The following SLC35H1 variants were observed in gnomAD, a reference collection of about 807,000 sequenced individuals.
SLC35H1 encodes ovarian cancer-overexpressed gene 1 protein.
the SLC35H1 span, among the ~76,000 whole-genome samples, chr20:46,356,388 C>G: frequency 6.6e-6 from 1 of 152,186 alleles, no homozygotes; most frequent in Non-Finnish European, 1.5e-5. Flanking sequence ...CTCCTCTGCG[C>G]TGGGCTTACG....
chr20:46,354,689 G>C, the SLC35H1 span, among the ~76,000 whole-genome samples: 3 of 152,174 alleles, frequency 2.0e-5, no homozygotes, highest in Admixed American at 1.3e-4. Context: ...CACACTTACT[G>C]TTACTGTTCC....
At chr20:46,363,495 T>C in the SLC35H1 span, among the ~76,000 whole-genome samples, 1 of 152,358 alleles carries the variant, frequency 6.6e-6, no homozygotes, top group East Asian at 1.9e-4. Flanking sequence ...GCCAGCATAA[T>C]ACACTTGGTT....
chr20:46,346,217 TG>T, the SLC35H1 span: 89,544 of 152,038 alleles, frequency 0.59, 29,142 homozygotes, highest in Non-Finnish European at 0.71. Flanking sequence ...GGCCTGTTTC[TG>T]GGAAGTATGT....
At chr20:46,361,132 C>T in the SLC35H1 span, among the ~76,000 whole-genome samples, 25 of 152,272 alleles carry the variant, frequency 1.6e-4, no homozygotes, top group African/African-American at 5.5e-4. Flanking sequence ...TAATATCAGG[C>T]ATCTCACTCA....
chr20:46,362,390 G>C, the SLC35H1 span, among the ~76,000 whole-genome samples: 1 of 152,158 alleles, frequency 6.6e-6, no homozygotes, highest in African/African-American at 2.4e-5. Flanking sequence ...GCTGGCTGGT[G>C]CATCACTGGC....
the SLC35H1 span, among the ~76,000 whole-genome samples, chr20:46,361,345 T>C: frequency 6.6e-6 from 1 of 152,178 alleles, no homozygotes; most frequent in Non-Finnish European, 1.5e-5. Flanking sequence ...TTCAGAAATA[T>C]CCCAAATATG....
chr20:46,350,651 A>C, the SLC35H1 span: 1 of 1,518,536 alleles, frequency 6.6e-7, no homozygotes, highest in Non-Finnish European at 8.9e-7. Flanking sequence ...ACATCTTCCT[A>C]GAGGAGTGAC....
the SLC35H1 span, chr20:46,355,197 G>C: frequency 1.1e-5 from 17 of 1,613,924 alleles, no homozygotes; most frequent in Middle Eastern, 1.6e-4. This position sits in a 1 kb window ranked among gnomAD's most constrained non-coding sequence, Gnocchi z 4.8. Context: ...TGAACATGAA[G>C]AGACCCCCGG....
chr20:46,349,087 C>A, the SLC35H1 span: 1 of 152,308 alleles, frequency 6.6e-6, no homozygotes. Context: ...CTTCCAAGCA[C>A]CCCTTTTCTG....
At chr20:46,356,509 C>T in the SLC35H1 span, 4 of 1,553,564 alleles carry the variant, frequency 2.6e-6, no homozygotes, top group African/African-American at 4.1e-5. Context: ...GGTGTGCAGA[C>T]ACCCCGCTGG....
the SLC35H1 span, among the ~76,000 whole-genome samples, chr20:46,353,938 C>T: frequency 3.3e-5 from 5 of 152,106 alleles, no homozygotes; most frequent in Admixed American, 3.3e-4. Context: ...GTTCAAGACG[C>T]TTCACTGCTT....
At chr20:46,358,597 C>A in the SLC35H1 span, 2 of 1,597,390 alleles carry the variant, frequency 1.3e-6, no homozygotes, top group South Asian at 2.2e-5. Context: ...TGGAGTTAGA[C>A]CACAGCTTTC....
the SLC35H1 span, chr20:46,359,104 C>T: frequency 2.9e-6 from 1 of 345,134 alleles, no homozygotes; most frequent in Non-Finnish European, 5.6e-6. Context: ...CAGCCACAGG[C>T]TCTCCAGGAC....
chr20:46,358,546 G>A, the SLC35H1 span: 1 of 1,614,086 alleles, frequency 6.2e-7, no homozygotes, highest in Non-Finnish European at 8.5e-7. Flanking sequence ...AGTCAGCGGG[G>A]GCAGGCACCC....
At chr20:46,352,072 G>A in the SLC35H1 span, 8 of 1,614,204 alleles carry the variant, frequency 5.0e-6, no homozygotes, top group Non-Finnish European at 6.8e-6. Context: ...CGGCAATGGA[G>A]AGAGTGAGGC....
chr20:46,357,519 G>A, the SLC35H1 span: 4 of 1,350,846 alleles, frequency 3.0e-6, no homozygotes, highest in Admixed American at 2.0e-5. Context: ...TGCAGGAAGA[G>A]GGGAGGGACT....
At chr20:46,348,188 G>T in the SLC35H1 span, 3 of 152,344 alleles carry the variant, frequency 2.0e-5, no homozygotes, top group East Asian at 5.8e-4. Context: ...GGGAGGAGAG[G>T]GAGCCCTCCT....
chr20:46,359,791 TC>T, the SLC35H1 span, among the ~76,000 whole-genome samples: 1 of 152,164 alleles, frequency 6.6e-6, no homozygotes, highest in African/African-American at 2.4e-5. Context: ...TTTGAGACAT[TC>T]CCATCCTATT....
the SLC35H1 span, among the ~76,000 whole-genome samples, chr20:46,362,709 C>T: frequency 6.6e-6 from 1 of 152,236 alleles, no homozygotes; most frequent in Admixed American, 6.5e-5. Context: ...CAGCCCATCT[C>T]CACTGCTCCA....
Sources: allele counts gnomAD v4.1 joint callset (sites outside exome capture counted in the v4.1 genomes callset), GRCh38; gene constraint gnomAD v4.1.1; non-coding constraint Gnocchi (gnomAD v3.1); transcripts MANE v1.5; gene names NCBI Gene and HGNC (gene_info 2026-07-23, HGNC 2026-07-21).